Variants in ALK observed in about 807,000 individuals in gnomAD.
ALK encodes ALK receptor tyrosine kinase.
Under a neutral mutation model 163.1 loss-of-function variants are expected in ALK, and 74 were observed. The ratio of observed to expected loss-of-function variants is 0.45; its 90% CI spans 0.38 to 0.55. The LOEUF (loss-of-function observed/expected upper bound fraction) is 0.55. ALK is among the 20% of genes least tolerant of loss of function. The pLI is 0.00. For missense variants in ALK, 2,063 were observed against 2,105.3 expected, an observed-to-expected ratio of 0.98 and a Z score of 0.39; for synonymous variants, 960 against 843.2, an observed-to-expected ratio of 1.14 and a Z score of -2.40.
intron 1 of ALK, among the ~76,000 whole-genome samples, chr2:29,908,671 G>A (rs1667617042): frequency 6.6e-6 from 1 of 152,136 alleles, no homozygotes; most frequent in African/African-American, 2.4e-5. Flanking sequence ...CTCCCATAAT[G>A]CACTGAAAAC....
At chr2:29,866,228 C>G (rs529266189) in intron 1 of ALK, among the ~76,000 whole-genome samples, 3 of 152,160 alleles carry the variant, frequency 2.0e-5, no homozygotes, top group African/African-American at 7.2e-5. Flanking sequence ...CCACTTCATC[C>G]CTCAAGAGAT....
intron 1 of ALK, among the ~76,000 whole-genome samples, chr2:29,723,260 C>T (rs962459269): frequency 9.9e-5 from 15 of 152,174 alleles, no homozygotes; most frequent in Non-Finnish European, 2.9e-5. Flanking sequence ...AAGCACATTC[C>T]CACCCCAGGG....
intron 9 of ALK, among the ~76,000 whole-genome samples, chr2:29,276,293 T>C (rs1375239794): frequency 6.6e-6 from 1 of 152,134 alleles, no homozygotes; most frequent in Non-Finnish European, 1.5e-5. Context: ...CCCATTAAGA[T>C]ATTGTTTCTT....
At chr2:29,518,287 G>A (rs1042628221) in intron 4 of ALK, among the ~76,000 whole-genome samples, 9 of 152,204 alleles carry the variant, frequency 5.9e-5, no homozygotes, top group Non-Finnish European at 1.0e-4. Context: ...GCAATTAGGG[G>A]AACAAAGGGG....
intron 9 of ALK, among the ~76,000 whole-genome samples, chr2:29,283,367 C>T (rs184735386): frequency 1.1e-3 from 160 of 151,734 alleles, no homozygotes; most frequent in African/African-American, 3.4e-3. Flanking sequence ...TAGAAAGGCC[C>T]GCCATCCATT....
At chr2:29,216,232 GC>G (rs1669602242) in intron 23 of ALK, among the ~76,000 whole-genome samples, 1 of 152,192 alleles carries the variant, frequency 6.6e-6, no homozygotes, top group Non-Finnish European at 1.5e-5. Flanking sequence ...ATGGTCGTGG[GC>G]CTTGCTGCAG....
intron 3 of ALK, among the ~76,000 whole-genome samples, chr2:29,680,556 C>T (rs925503512): frequency 2.0e-5 from 3 of 152,060 alleles, no homozygotes; most frequent in Non-Finnish European, 2.9e-5. Flanking sequence ...TCTGTCCAGT[C>T]AAATTCTCAG....
At chr2:29,841,369 A>G (rs1665693898) in intron 1 of ALK, among the ~76,000 whole-genome samples, 1 of 152,238 alleles carries the variant, frequency 6.6e-6, no homozygotes, top group Non-Finnish European at 1.5e-5. Context: ...TGTGTTCAGA[A>G]AGAAACTTAA....
intron 4 of ALK, among the ~76,000 whole-genome samples, chr2:29,385,423 G>C (rs1432205943): frequency 2.0e-5 from 3 of 146,500 alleles, no homozygotes; most frequent in Non-Finnish European, 3.0e-5. Context: ...GGGTCTTGCT[G>C]TATGGTCCAG....
chr2:29,567,955 T>C (rs926656301), intron 3 of ALK, among the ~76,000 whole-genome samples: 2 of 152,232 alleles, frequency 1.3e-5, no homozygotes, highest in African/African-American at 4.8e-5. Flanking sequence ...AAATGGACTT[T>C]AATAACAGAA....
chr2:29,659,382 G>T (rs1172276271), intron 3 of ALK, among the ~76,000 whole-genome samples: 1 of 152,160 alleles, frequency 6.6e-6, no homozygotes, highest in Non-Finnish European at 1.5e-5. Context: ...CCAGGAGTGG[G>T]CTGTTCTGCC....
intron 1 of ALK, among the ~76,000 whole-genome samples, chr2:29,835,514 C>T (rs78734663): frequency 0.011 from 1,730 of 152,270 alleles, 40 homozygotes; most frequent in African/African-American, 0.039. Flanking sequence ...GTGCTTCATC[C>T]AGATGTTCGT....
At chr2:29,291,127 C>A (rs1666011036) in intron 9 of ALK, among the ~76,000 whole-genome samples, 1 of 152,134 alleles carries the variant, frequency 6.6e-6, no homozygotes, top group Admixed American at 6.5e-5. Flanking sequence ...GTTTGGGAGG[C>A]CCAGGCAAGA....
chr2:29,391,708 C>T (rs186491409), intron 4 of ALK, among the ~76,000 whole-genome samples: 1 of 152,234 alleles, frequency 6.6e-6, no homozygotes, highest in Non-Finnish European at 1.5e-5. Context: ...CTATTCCTCC[C>T]TCACTTTTCC....
intron 12 of ALK, 152 bp from the exon 13 acceptor site, chr2:29,239,982 C>G: frequency 1.1e-6 from 1 of 951,786 alleles, no homozygotes; most frequent in Non-Finnish European, 1.5e-6. Flanking sequence ...GATTCTTCTC[C>G]CCCACTTCAG....
chr2:29,449,724 T>C (rs1670775992), intron 4 of ALK, among the ~76,000 whole-genome samples: 1 of 152,214 alleles, frequency 6.6e-6, no homozygotes, highest in South Asian at 2.1e-4. Context: ...GAGGCTCTTA[T>C]CTCAGAACCC....
In ALK at chr2:29,831,012, G is replaced by GAA. The variant is rs1471153642; in HGVS notation, c.667+88980_667+88981insTT. On this transcript the variant is annotated intron_variant, in intron 1 of 28. Coordinates refer to ENST00000389048, the MANE Select transcript of ALK (RefSeq NM_004304.5). ...AGAAGAAGAAGAAGAAGAAGAAGAA[G>GAA]GGGAAGAGGAAGGGGAAGGAGGAGG... 3.7e-4 allele frequency among the ~76,000 whole-genome samples: 17 copies of GAA among 45,886 alleles called. 1 individual carries two copies. The highest frequency in any genetic ancestry group is 1.1e-3 in the African/African-American group (17 of 15,938). 30.1% of individuals were successfully genotyped at this position (45,886 alleles called of 152,430 possible).
At chr2:29,270,996 A>AT (rs138924119) in intron 11 of ALK, among the ~76,000 whole-genome samples, 1 of 152,240 alleles carries the variant, frequency 6.6e-6, no homozygotes, top group East Asian at 1.9e-4. Context: ...AGAGGCCAGG[A>AT]TTTTTCGGAA....
intron 4 of ALK, among the ~76,000 whole-genome samples, chr2:29,445,489 T>C (rs1263476639): frequency 6.6e-6 from 1 of 152,114 alleles, no homozygotes; most frequent in East Asian, 1.9e-4. Flanking sequence ...CCAGTGGCAG[T>C]GTGGTGTCTG....
Sources: gnomAD v4.1 joint callset for allele counts (sites outside exome capture counted in the v4.1 genomes callset) on GRCh38, gnomAD v4.1.1 for gene constraint, MANE v1.5 for transcripts, NCBI Gene and HGNC (gene_info 2026-07-23, HGNC 2026-07-21) for gene names.